The following RORC variants were observed in gnomAD, a reference collection of about 807,000 sequenced individuals.
RORC encodes RAR related orphan receptor C.
In RORC, 13 loss-of-function variants were observed where a neutral mutation model predicts 64.5. The ratio of observed to expected loss-of-function variants is 0.20; its 90% CI spans 0.13 to 0.32. The LOEUF is 0.32. Ranked by LOEUF, RORC falls within the 10% of genes least tolerant of loss-of-function variation. The pLI is 1.00. For missense variants in RORC, 468 were observed against 669.5 expected, an observed-to-expected ratio of 0.70 and a Z score of 3.32; for synonymous variants, 277 against 259.3, an observed-to-expected ratio of 1.07 and a Z score of -0.65.
rs771312065 is a variant in RORC at position 151,814,631 on chromosome 1, C to T, written c.876G>A (p.Leu292=). The T allele has an allele frequency of 6.2e-7, 1 of 1,612,672 alleles. No individual in the cohort carries two copies. The highest frequency in any genetic ancestry group is 8.5e-7 in the Non-Finnish European group (1 of 1,179,414). ...AGAAGATGTTGGAGCGCTGCCGCAG[C>T]AGGTCCTCCAGCCGCAGCTGGCATG... ...RETCQLRLED[L]LRQRSNIFSR... is the part of the protein sequence containing the mutation. Residue 292 remains leucine, a synonymous_variant, in exon 6 of 11, where the codon CTG becomes CTA. Transcript: ENST00000318247.
chr1:151,817,645 C>T (rs1389473080), intron 2 of RORC, among the ~76,000 whole-genome samples: 1 of 152,166 alleles, frequency 6.6e-6, no homozygotes, highest in Non-Finnish European at 1.5e-5. Flanking sequence ...GGCCTCACAA[C>T]ACCTGCTTCC....
chr1:151,812,734 C>G, intron 9 of RORC: 1 of 451,602 alleles, frequency 2.2e-6, no homozygotes, highest in Non-Finnish European at 4.0e-6. Context: ...CCACTTCCCA[C>G]AACCCCACCT....
intron 5 of RORC, 38 bp downstream of exon 5, chr1:151,814,875 T>C (rs1651694788): frequency 6.3e-7 from 1 of 1,591,448 alleles, no homozygotes; most frequent in Admixed American, 1.7e-5. Context: ...AACCCCTCCC[T>C]CATCTCTACC....
rs987237851 is a variant in RORC, at chr1:151,806,226, C to G, written c.*1246G>C. On this transcript the variant is annotated 3_prime_UTR_variant, in exon 11 of 11. Coordinates refer to ENST00000318247, the MANE Select transcript of RORC (RefSeq NM_005060.4). ...TAATCCCTCAGGGGAGGGTTCACAG[C>G]TGTTTATGAAGCCAAGAGAGGTTCT... The G allele has an allele frequency of 1.3e-5, 2 of 153,288 alleles. No homozygotes were observed. The highest frequency in any genetic ancestry group is 4.8e-5 in the African/African-American group (2 of 41,406). 9.5% of individuals were successfully genotyped at this position (153,288 alleles called of 1,614,324 possible).
intron 9 of RORC, 50 bp from the exon 10 acceptor site, chr1:151,811,484 T>A: frequency 8.6e-7 from 1 of 1,157,210 alleles, no homozygotes; most frequent in Non-Finnish European, 1.3e-6. Flanking sequence ...ACATGGACAT[T>A]AACTCCCAAC....
chr1:151,810,451 C>A (rs1483253525), intron 10 of RORC, among the ~76,000 whole-genome samples: 1 of 151,806 alleles, frequency 6.6e-6, no homozygotes, highest in Admixed American at 6.6e-5. Flanking sequence ...ACATAGGGGA[C>A]ACAGGGATAG....
chr1:151,828,197 C>T (rs1178480754), intron 2 of RORC, among the ~76,000 whole-genome samples: 1 of 152,156 alleles, frequency 6.6e-6, no homozygotes, highest in Non-Finnish European at 1.5e-5. Flanking sequence ...CAGGGAGGCT[C>T]TAGACAATTT....
chr1:151,829,605 C>A, intron 1 of RORC, 147 bp from the exon 2 acceptor site: 1 of 628,936 alleles, frequency 1.6e-6, no homozygotes, highest in Non-Finnish European at 2.6e-6. Context: ...CTGCAGTGCC[C>A]CTCTCTCCTC....
In RORC at chr1:151,807,211, T is replaced by C. The variant is rs1054920288; in HGVS notation, c.*261A>G. The C allele has an allele frequency of 2.6e-6, 1 of 379,024 alleles. No individual in the cohort carries two copies. The highest frequency in any genetic ancestry group is 2.0e-5 in the African/African-American group (1 of 49,260). The allele number at this position is 379,024 out of a possible 1,614,324, so 23.5% of individuals were successfully genotyped here. On this transcript the variant is annotated 3_prime_UTR_variant, in exon 11 of 11. Coordinates refer to ENST00000318247, the MANE Select transcript of RORC (RefSeq NM_005060.4). This position sits in a 1 kb window ranked among gnomAD's most constrained non-coding sequence, Gnocchi z 5.0. ...CAGCCACCCCATGCCTTCCAGAAGC[T>C]GGGTGTGAAGGAATATGGGAAATGA...
At chr1:151,831,103 C>A in intron 1 of RORC, 1 of 1,288,122 alleles carries the variant, frequency 7.8e-7, no homozygotes, top group East Asian at 5.6e-5. Flanking sequence ...TTCTGTCCTT[C>A]CCTGCTGATG....
In RORC at chr1:151,823,638, ATGTT is replaced by A. The variant is rs543524325; in HGVS notation, c.70+5787_70+5790del. On this transcript the variant is annotated intron_variant, in intron 2 of 10. Transcript: ENST00000318247. ...CTCTGTTTCTGGGCTTCACACCTTC[ATGTT>A]TGTTTGTTTGTTTAAGAGACAGGGT... Among the ~76,000 whole-genome samples the A allele has an allele frequency of 9.2e-5, 14 of 151,570 alleles. No individual in the cohort carries two copies. The East Asian group carries it at 2.7e-3, about 29-fold the overall frequency.
chr1:151,829,061 C>G lies in RORC; in HGVS notation c.70+368G>C, dbSNP rs368577959. Among the ~76,000 whole-genome samples the G allele has an allele frequency of 5.9e-4, 90 of 152,050 alleles. 2 individuals carry two copies. In the South Asian group the frequency reaches 0.018, roughly 30 times the overall value. On this transcript the variant is annotated intron_variant, in intron 2 of 10. Transcript: ENST00000318247. ...AGTTCCTGAGTTCCTGAGGCCACCC[C>G]GCCTCCGCACACCCCCCTACCTCTA...
intron 2 of RORC, among the ~76,000 whole-genome samples, chr1:151,819,863 G>C (rs575594648): frequency 6.6e-6 from 1 of 152,244 alleles, no homozygotes; most frequent in South Asian, 2.1e-4. Flanking sequence ...CCAGCCACCT[G>C]GTCAGCCCAT....
In RORC at chr1:151,815,312, G is replaced by T; in HGVS notation, c.412C>A (p.Pro138Thr). ...QQQEPVVKTP[P>T]AGAQGADTLT... ...GTATCTGCTCCTTGGGCCCCTGCTG[G>T]AGGGGTCTTGACCACTGGTTCCTGT... is the stretch of plus-strand genomic sequence containing the variant. Residue 138 changes from proline (P) to threonine (T), a missense_variant, in exon 5 of 11, where the codon CCA (proline) becomes ACA (threonine). This residue lies in a region of RORC where 241 missense variants were observed against 295.5 expected (regional missense o/e 0.82). Transcript: ENST00000318247. 2 of 1,607,888 alleles carry T rather than the reference G, an allele frequency of 1.2e-6. No homozygotes were observed. The highest frequency in any genetic ancestry group is 1.7e-6 in the Non-Finnish European group (2 of 1,176,206).
intron 2 of RORC, among the ~76,000 whole-genome samples, chr1:151,827,164 C>G (rs1284841127): frequency 6.6e-6 from 1 of 152,196 alleles, no homozygotes; most frequent in African/African-American, 2.4e-5. Flanking sequence ...CCATTATCCT[C>G]ATTTCGAGGA....
rs549854481 is a variant in RORC, at chr1:151,815,124, G to A, written c.600C>T (p.Cys200=). ...CCCGCTCAGGGCTGTATTCAAGGTGGCATGAGGCCCCATTGAGCCCTGCCT... is the reference window on the plus strand; with the variant it reads ...CCCGCTCAGGGCTGTATTCAAGGTGACATGAGGCCCCATTGAGCCCTGCCT... ...LAKAGLNGAS[C]HLEYSPERGK... is the part of the protein sequence containing the mutation. The change falls in exon 5 of 11, where the codon TGC becomes TGT. Residue 200 remains cysteine, a synonymous_variant. Coordinates refer to ENST00000318247, the MANE Select transcript of RORC (RefSeq NM_005060.4). 6.2e-7 allele frequency: 1 copy of A among 1,614,158 alleles called. No homozygotes were observed. The highest frequency in any genetic ancestry group is 1.1e-5 in the South Asian group (1 of 91,074).
In RORC at chr1:151,828,315, G is replaced by A. The variant is rs185355003; in HGVS notation, c.70+1114C>T. Among the ~76,000 whole-genome samples the A allele has an allele frequency of 2.6e-3, 401 of 152,296 alleles. 4 individuals carry two copies. The highest frequency in any genetic ancestry group is 9.2e-3 in the African/African-American group (381 of 41,562). ...ACTCCTACCCTGGAGGGATCCTCTCGATTCAGGGACCCATGCTCACAGAAG... is the reference window on the plus strand; with the variant it reads ...ACTCCTACCCTGGAGGGATCCTCTCAATTCAGGGACCCATGCTCACAGAAG... On this transcript the variant is annotated intron_variant, in intron 2 of 10. Coordinates refer to ENST00000318247, the MANE Select transcript of RORC (RefSeq NM_005060.4).
chr1:151,828,149 G>C (rs1459361283), intron 2 of RORC, among the ~76,000 whole-genome samples: 2 of 152,172 alleles, frequency 1.3e-5, no homozygotes, highest in African/African-American at 2.4e-5. Context: ...TCATGGAGAA[G>C]GGCAATGCTT....
rs370341883 is a variant in RORC, at chr1:151,807,423, G to A, written c.*49C>T. On this transcript the variant is annotated 3_prime_UTR_variant, in exon 11 of 11. Transcript: ENST00000318247. The surrounding 1 kb of genome is among the most constrained non-coding windows in gnomAD (Gnocchi z 5.0). ...GGGTGAGGGTGGAACGGGGTCCAGG[G>A]AGGTGGGCCAGCAGGCCATAGGGAG... The A allele has an allele frequency of 6.3e-7, 1 of 1,587,224 alleles. No individual in the cohort carries two copies. The highest frequency in any genetic ancestry group is 8.6e-7 in the Non-Finnish European group (1 of 1,158,604).
Sources: allele counts gnomAD v4.1 joint callset (sites outside exome capture counted in the v4.1 genomes callset), GRCh38; gene constraint gnomAD v4.1.1; regional missense constraint gnomAD v4.1.1; non-coding constraint Gnocchi (gnomAD v3.1); transcripts MANE v1.5; gene names NCBI Gene and HGNC (gene_info 2026-07-23, HGNC 2026-07-21).